PATJ: variants seen among roughly 807,000 people sequenced by gnomAD.
The protein encoded by PATJ is PATJ crumbs cell polarity complex component, also known as inaD-like protein.
PATJ carries 190 observed loss-of-function variants against 224.9 expected under a neutral mutation model. The observed-to-expected ratio is 0.84, with a 90% confidence interval of 0.75 to 0.95. The LOEUF is 0.95. PATJ is among the 40% of genes least tolerant of loss of function. The probability of loss-of-function intolerance (pLI) is 0.00; values close to 1 mark genes in which losing one functional copy is unlikely to be tolerated. For synonymous variants in PATJ, 769 were observed against 820.3 expected (o/e 0.94, Z 1.07); for missense variants, 2,121 against 2,270.3 (o/e 0.93, Z 1.34).
intron 32 of PATJ, among the ~76,000 whole-genome samples, chr1:62,082,204 G>C (rs147739515): frequency 1.7e-4 from 26 of 152,078 alleles, no homozygotes; most frequent in African/African-American, 6.0e-4. Context: ...CACTTTTTAT[G>C]GTTGTATCAC....
chr1:61,909,351 AG>A (rs1279555775), intron 25 of PATJ, among the ~76,000 whole-genome samples: 2 of 152,236 alleles, frequency 1.3e-5, no homozygotes, highest in Non-Finnish European at 2.9e-5. Context: ...TGTCAGTGGC[AG>A]GATGTGGATT....
chr1:61,833,190 C>T (rs1350927949), intron 16 of PATJ, among the ~76,000 whole-genome samples: 1 of 152,048 alleles, frequency 6.6e-6, no homozygotes, highest in Non-Finnish European at 1.5e-5. Context: ...AGTGGTTTCC[C>T]TGTTCTGCTC....
At chr1:62,047,397 C>G (rs569809723) in intron 30 of PATJ, among the ~76,000 whole-genome samples, 1 of 151,750 alleles carries the variant, frequency 6.6e-6, no homozygotes, top group East Asian at 1.9e-4. Context: ...GCTGGGATTA[C>G]AAGCACCCAC....
chr1:61,871,453 A>ATG (rs1557792844), intron 20 of PATJ, among the ~76,000 whole-genome samples: 1 of 96,678 alleles, frequency 1.0e-5, no homozygotes, highest in Non-Finnish European at 2.2e-5. Flanking sequence ...ACACATATAT[A>ATG]TGCGTATATA....
At chr1:61,980,660 T>G (rs775304266) in intron 27 of PATJ, among the ~76,000 whole-genome samples, 5 of 152,102 alleles carry the variant, frequency 3.3e-5, no homozygotes, top group Non-Finnish European at 5.9e-5. Flanking sequence ...CTATACATTT[T>G]CTTTCCACTT....
chr1:62,081,011 A>C (rs74076516), intron 32 of PATJ, among the ~76,000 whole-genome samples: 4,459 of 152,254 alleles, frequency 0.029, 206 homozygotes, highest in African/African-American at 0.1. Flanking sequence ...CCACAAATAC[A>C]GGTTTATAGA....
chr1:61,896,833 A>G (rs2498994), intron 22 of PATJ, among the ~76,000 whole-genome samples: 96,683 of 151,968 alleles, frequency 0.64, 31,345 homozygotes, highest in Middle Eastern at 0.7. Flanking sequence ...CTGCTGCCAC[A>G]TACACCTTCC....
intron 27 of PATJ, among the ~76,000 whole-genome samples, chr1:61,939,219 A>T (rs1340342262): frequency 1.3e-4 from 19 of 151,822 alleles, no homozygotes; most frequent in Non-Finnish European, 1.5e-5. Context: ...TTTAAAATAT[A>T]ACCTTGGTAC....
chr1:62,091,849 A>T (rs1476830363), intron 33 of PATJ, among the ~76,000 whole-genome samples: 1 of 152,146 alleles, frequency 6.6e-6, no homozygotes, highest in Non-Finnish European at 1.5e-5. Flanking sequence ...AGAGGTCAGG[A>T]GTTTTAAACC....
intron 27 of PATJ, among the ~76,000 whole-genome samples, chr1:61,942,600 G>T (rs529641482): frequency 6.6e-6 from 1 of 151,664 alleles, no homozygotes; most frequent in South Asian, 2.1e-4. Context: ...ATCCAGGCTG[G>T]AGTACAGGGG....
chr1:61,959,274 G>T (rs1328428155), intron 27 of PATJ, among the ~76,000 whole-genome samples: 1 of 151,530 alleles, frequency 6.6e-6, no homozygotes, highest in Non-Finnish European at 1.5e-5. Context: ...TAATAAATAT[G>T]TATAACATCT....
intron 20 of PATJ, among the ~76,000 whole-genome samples, chr1:61,867,804 C>T (rs1436371435): frequency 6.6e-6 from 1 of 152,038 alleles, no homozygotes; most frequent in East Asian, 1.9e-4. Context: ...GAATATTTGC[C>T]CCCATTGTAT....
intron 31 of PATJ, among the ~76,000 whole-genome samples, chr1:62,062,496 T>A (rs1203357843): frequency 8.3e-6 from 1 of 121,154 alleles, no homozygotes; most frequent in African/African-American, 3.2e-5. Flanking sequence ...CAACCTTTTT[T>A]TTTTTTTTTT....
chr1:62,066,088 T>C (rs1281205977), intron 31 of PATJ, among the ~76,000 whole-genome samples: 1 of 152,210 alleles, frequency 6.6e-6, no homozygotes, highest in Non-Finnish European at 1.5e-5. Context: ...TCCCAGGCTC[T>C]GCACTAAACA....
intron 17 of PATJ, among the ~76,000 whole-genome samples, chr1:61,836,624 A>G (rs1015977930): frequency 3.3e-5 from 5 of 152,250 alleles, no homozygotes; most frequent in East Asian, 1.9e-4. Context: ...ATCTACCATG[A>G]CATTTAGATG....
intron 14 of PATJ, among the ~76,000 whole-genome samples, chr1:61,817,792 G>T (rs1031661672): frequency 2.6e-5 from 4 of 152,092 alleles, no homozygotes; most frequent in African/African-American, 9.7e-5. Flanking sequence ...CATGCTTGTG[G>T]TTTTCCATTA....
intron 12 of PATJ, among the ~76,000 whole-genome samples, chr1:61,804,941 C>A (rs1653225370): frequency 6.6e-6 from 1 of 152,100 alleles, no homozygotes; most frequent in African/African-American, 2.4e-5. Context: ...TTTATAGCTA[C>A]CCATGTGAAA....
intron 41 of PATJ, among the ~76,000 whole-genome samples, chr1:62,147,967 AAAAATT>A (rs1668222670): frequency 6.6e-6 from 1 of 151,584 alleles, no homozygotes; most frequent in Non-Finnish European, 1.5e-5. Flanking sequence ...GTCTCAAAAA[AAAAATT>A]AGCAGGGCCT....
chr1:61,882,283 C>T (rs956271447), intron 21 of PATJ, among the ~76,000 whole-genome samples: 4 of 151,998 alleles, frequency 2.6e-5, no homozygotes, highest in African/African-American at 9.7e-5. Context: ...TTGACTGACA[C>T]GTGAGTAAAG....
Sources: gnomAD v4.1 joint callset for allele counts (sites outside exome capture counted in the v4.1 genomes callset) on GRCh38, gnomAD v4.1.1 for gene constraint, MANE v1.5 for transcripts, NCBI Gene and HGNC (gene_info 2026-07-23, HGNC 2026-07-21) for gene names.